The following TAS1R3 variants were observed in gnomAD, a reference collection of about 807,000 sequenced individuals.
TAS1R3 encodes the protein taste receptor type 1 member 3.
Under a neutral mutation model 46.1 loss-of-function variants are expected in TAS1R3, and 58 were observed. That is an observed-to-expected ratio of 1.26 (90% CI 1.02 to 1.57). TAS1R3 has a LOEUF of 1.57. Among genes scored for constraint, TAS1R3 ranks in the 40% most tolerant of loss-of-function variants. The probability of loss-of-function intolerance (pLI) is 0.00; values close to 1 mark genes in which losing one functional copy is unlikely to be tolerated. For missense variants in TAS1R3, 1,422 were observed against 1,185.8 expected (o/e 1.20, Z -2.93); for synonymous variants, 724 against 544.7 (o/e 1.33, Z -4.58).
chr1:1,331,671 C>T lies in TAS1R3; in HGVS notation c.225C>T (p.Ala75=), dbSNP rs761290725. Reference sequence around the variant, plus strand: ...CAAACGGCCTGCTCTGGGCACTGGCCATGAAAATGGCCGTGGAGGAGATCA... The same window carrying T: ...CAAACGGCCTGCTCTGGGCACTGGCTATGAAAATGGCCGTGGAGGAGATCA... ...FSSNGLLWAL[A]MKMAVEEINN... is the part of the protein sequence containing the mutation. Residue 75 remains alanine, a synonymous_variant, in exon 2 of 6, where the codon GCC becomes GCT. Transcript: ENST00000339381. The T allele has an allele frequency of 1.2e-6, 2 of 1,612,732 alleles. No individual in the cohort carries two copies. Among genetic ancestry groups the T allele is most frequent in the Non-Finnish European group, 1.7e-6 (2 of 1,179,878 alleles).
intron 3 of TAS1R3, 25 bp from the exon 4 acceptor site, chr1:1,332,896 G>A: frequency 3.1e-6 from 5 of 1,593,024 alleles, no homozygotes; most frequent in Non-Finnish European, 4.3e-6. Context: ...GTGGCTGGCG[G>A]CTCAGCCCCG....
At position 1,332,221 on chromosome 1, in the gene TAS1R3, C is replaced by T. The variant is rs368917735; in HGVS notation, c.690C>T (p.Ala230=). ...GCCTGAGCATCTTCTCGGCCCTGGC[C>T]GCGGCACGCGGCATCTGCATCGCGC... ...RQGLSIFSAL[A]AARGICIAHE... The change falls in exon 3 of 6, where the codon GCC becomes GCT. Residue 230 remains alanine, a synonymous_variant. Transcript: ENST00000339381. 678 of 1,592,032 alleles carry T rather than the reference C, an allele frequency of 4.3e-4. 2 individuals are homozygous for T. Among genetic ancestry groups the T allele is most frequent in the Non-Finnish European group, 5.3e-4 (622 of 1,175,378 alleles).
chr1:1,334,630 A>T lies in TAS1R3; in HGVS notation c.*166A>T. On this transcript the variant is annotated 3_prime_UTR_variant, in exon 6 of 6. Transcript: ENST00000339381. ...TGAGCCCTAGGCCTGGAGCACGTGG[A>T]CACCCCTGTGACCATCTGGGCCCCA... 2.6e-6 allele frequency: 2 copies of T among 763,906 alleles called. No individual in the cohort carries two copies. Among genetic ancestry groups the T allele is most frequent in the Non-Finnish European group, 4.1e-6 (2 of 489,736 alleles). 47.3% of individuals were successfully genotyped at this position (763,906 alleles called of 1,614,324 possible).
Position 1,332,643 on chromosome 1 carries a change from C to G in TAS1R3, c.1112C>G (p.Pro371Arg), listed in dbSNP as rs540746617. The G allele has an allele frequency of 6.2e-7, 1 of 1,608,228 alleles. No homozygotes were observed. Among genetic ancestry groups the G allele is most frequent in the Non-Finnish European group, 8.5e-7 (1 of 1,179,674 alleles). The change falls in exon 3 of 6, where the codon CCG becomes CGG. Residue 371 changes from proline to arginine, a missense_variant. By Grantham distance (103) the Pro-to-Arg change is moderately radical. Transcript: ENST00000339381. ...GAGGACGTGGTGGGCCAGCGCTGCC[C>G]GCAGTGTGACTGCATCACGCTGCAG... ...LEEDVVGQRCPQCDCITLQNV... is the reference protein window; with the variant it reads ...LEEDVVGQRCRQCDCITLQNV...
chr1:1,333,886 G>T lies in TAS1R3; in HGVS notation c.1981G>T (p.Glu661Ter). Residue 661 changes from glutamate to a stop codon, truncating the protein, a stop_gained, in exon 6 of 6, where the codon GAG becomes TAG. Coordinates refer to ENST00000339381, the MANE Select transcript of TAS1R3 (RefSeq NM_152228.3). LOFTEE classifies it low-confidence loss of function (END_TRUNC). ...CCTGCAGGCGGCCGAGATCTTCGTG[G>T]AGTCAGAACTGCCTCTGAGCTGGGC... ...LFLQAAEIFV[E>*]SELPLSWADR... 1.2e-6 allele frequency: 2 copies of T among 1,600,582 alleles called. No individual in the cohort carries two copies. Among genetic ancestry groups the T allele is most frequent in the Non-Finnish European group, 1.7e-6 (2 of 1,179,842 alleles).
chr1:1,331,808 G>C lies in TAS1R3; in HGVS notation c.362G>C (p.Gly121Ala). The C allele has an allele frequency of 6.2e-7, 1 of 1,612,816 alleles. No homozygotes were observed. Among genetic ancestry groups the C allele is most frequent in the Non-Finnish European group, 8.5e-7 (1 of 1,180,018 alleles). Residue 121 changes from glycine (G) to alanine (A), a missense_variant, in exon 2 of 6, where the codon GGC (glycine) becomes GCC (alanine). By Grantham distance (60) the Gly-to-Ala change is moderately conservative. Coordinates refer to ENST00000339381, the MANE Select transcript of TAS1R3 (RefSeq NM_152228.3). Reference sequence around the variant, plus strand: ...AGCCTCATGTTCCTGGCCAAGGCAGGCAGCCGCGACATCGCCGCCTACTGC... The same window carrying C: ...AGCCTCATGTTCCTGGCCAAGGCAGCCAGCCGCGACATCGCCGCCTACTGC... Reference protein sequence around the residue: ...KPSLMFLAKAGSRDIAAYCNY... With the variant: ...KPSLMFLAKAASRDIAAYCNY...
chr1:1,333,664 T>C lies in TAS1R3; in HGVS notation c.1759T>C (p.Leu587=). The part of the protein sequence containing the change: ...SLALGLVLAA[L]GLFVHHRDSP... The stretch of plus-strand genomic sequence containing the variant: ...GGCGCTGGGCCTTGTGCTGGCTGCT[T>C]TGGGGCTGTTCGTTCACCATCGGGA... Residue 587 remains leucine (L), a synonymous_variant, in exon 6 of 6, where the codon TTG becomes CTG. Coordinates refer to ENST00000339381, the MANE Select transcript of TAS1R3 (RefSeq NM_152228.3). The C allele has an allele frequency of 6.2e-7, 1 of 1,612,114 alleles. No individual in the cohort carries two copies. The highest frequency in any genetic ancestry group is 8.5e-7 in the Non-Finnish European group (1 of 1,179,898).
rs372727451 is a variant in TAS1R3 at position 1,331,483 on chromosome 1, C to T, written c.138C>T (p.Ala46=). ...VLGGLFPLGE[A]EEAGLRSRTR... ...GGGGGCTGTTCCCCCTGGGCGAGGC[C>T]GAGGAGGCTGGCCTCCGCAGCCGGA... Residue 46 remains alanine (A), a synonymous_variant, in exon 1 of 6, where the codon GCC becomes GCT. Coordinates refer to ENST00000339381, the MANE Select transcript of TAS1R3 (RefSeq NM_152228.3). The T allele has an allele frequency of 6.8e-5, 110 of 1,606,900 alleles. 2 individuals are homozygous for T. In the East Asian group the frequency reaches 1.6e-3, roughly 23 times the overall value.
chr1:1,332,531 T>A lies in TAS1R3; in HGVS notation c.1000T>A (p.Phe334Ile), dbSNP rs1448768818. 6.2e-7 allele frequency: 1 copy of A among 1,611,482 alleles called. No homozygotes were observed. Among genetic ancestry groups the A allele is most frequent in the South Asian group, 1.1e-5 (1 of 91,072 alleles). The change falls in exon 3 of 6, where the codon TTC becomes ATC. Residue 334 changes from phenylalanine (F) to isoleucine (I), a missense_variant. Transcript: ENST00000339381. The part of the protein sequence containing the change: ...FLQRGAQLHE[F>I]PQYVKTHLAL... ...CCAGAGGGGTGCCCAGCTGCACGAGTTCCCCCAGTACGTGAAGACGCACCT... is the reference window on the plus strand; with the variant it reads ...CCAGAGGGGTGCCCAGCTGCACGAGATCCCCCAGTACGTGAAGACGCACCT...
chr1:1,332,830 G>A (rs1643462063), intron 3 of TAS1R3, 24 bp downstream of exon 3: 2 of 1,594,614 alleles, frequency 1.3e-6, no homozygotes, highest in Non-Finnish European at 1.7e-6. Context: ...ATGGGGGTGT[G>A]CTGTCCTCTG....
chr1:1,334,256 A>G lies in TAS1R3; in HGVS notation c.2351A>G (p.Asn784Ser). 6.2e-7 allele frequency: 1 copy of G among 1,612,052 alleles called. No homozygotes were observed. Residue 784 changes from asparagine to serine, a missense_variant, in exon 6 of 6, where the codon AAT becomes AGT. Coordinates refer to ENST00000339381, the MANE Select transcript of TAS1R3 (RefSeq NM_152228.3). ...TWVSFVPLLA[N>S]VQVVLRPAVQ... ...GTCTCCTTTGTGCCCCTCCTGGCCAATGTGCAGGTGGTCCTCAGGCCCGCC... is the reference window on the plus strand; with the variant it reads ...GTCTCCTTTGTGCCCCTCCTGGCCAGTGTGCAGGTGGTCCTCAGGCCCGCC...
intron 5 of TAS1R3, 31 bp from the exon 6 acceptor site, chr1:1,333,475 G>C (rs372807333): frequency 6.3e-7 from 1 of 1,599,650 alleles, no homozygotes; most frequent in African/African-American, 1.3e-5. Flanking sequence ...GGTACAAGAC[G>C]AACACCCAGC....
At position 1,332,987 on chromosome 1, in the gene TAS1R3, G is replaced by A. The variant is rs143311630; in HGVS notation, c.1342G>A (p.Gly448Arg). The change falls in exon 4 of 6, where the codon GGA (glycine) becomes AGA (arginine). Residue 448 changes from glycine (G) to arginine (R), a missense_variant. Coordinates refer to ENST00000339381, the MANE Select transcript of TAS1R3 (RefSeq NM_152228.3). ...GGLPLRFDSS[G>R]NVDMEYDLKL... is the part of the protein sequence containing the mutation. Reference sequence around the variant, plus strand: ...GCTGCCGCTGCGGTTCGACAGCAGCGGAAACGTGGACATGGAGTACGACCT... The same window carrying A: ...GCTGCCGCTGCGGTTCGACAGCAGCAGAAACGTGGACATGGAGTACGACCT... The A allele has an allele frequency of 1.0e-4, 168 of 1,612,732 alleles. No homozygotes were observed. Among genetic ancestry groups the A allele is most frequent in the African/African-American group, 9.5e-4 (71 of 75,056 alleles).
In TAS1R3 at chr1:1,332,404, G is replaced by T. The variant is rs1247915541; in HGVS notation, c.873G>T (p.Arg291Ser). The change falls in exon 3 of 6, where the codon AGG (arginine) becomes AGT (serine). Residue 291 changes from arginine to serine, a missense_variant. Physicochemically the swap from Arg to Ser is moderately radical, Grantham distance 110. Transcript: ENST00000339381. ...TCTTCAACTACAGCATCAGCAGCAG[G>T]CTCTCGCCCAAGGTGTGGGTGGCCA... ...HALFNYSISS[R>S]LSPKVWVASE... 1.2e-6 allele frequency: 2 copies of T among 1,604,442 alleles called. No individual in the cohort carries two copies. Among genetic ancestry groups the T allele is most frequent in the Admixed American group, 3.4e-5 (2 of 58,868 alleles).
At position 1,332,447 on chromosome 1, in the gene TAS1R3, T is replaced by C. The variant is rs150848527; in HGVS notation, c.916T>C (p.Ser306Pro). ...GGTGGCCAGCGAGGCCTGGCTGACCTCTGACCTGGTCATGGGGCTGCCCGG... is the reference window on the plus strand; with the variant it reads ...GGTGGCCAGCGAGGCCTGGCTGACCCCTGACCTGGTCATGGGGCTGCCCGG... ...VWVASEAWLT[S>P]DLVMGLPGMA... The change falls in exon 3 of 6, where the codon TCT becomes CCT. Residue 306 changes from serine (S) to proline (P), a missense_variant. Physicochemically the swap from Ser to Pro is moderately conservative, Grantham distance 74. Coordinates refer to ENST00000339381, the MANE Select transcript of TAS1R3 (RefSeq NM_152228.3). The C allele has an allele frequency of 5.6e-5, 90 of 1,608,790 alleles. No homozygotes were observed. The highest frequency in any genetic ancestry group is 7.3e-5 in the Non-Finnish European group (86 of 1,179,348).
Position 1,332,623 on chromosome 1 carries a change from C to G in TAS1R3, c.1092C>G (p.Asp364Glu), listed in dbSNP as rs777550130. 6.2e-7 allele frequency: 1 copy of G among 1,609,646 alleles called. No homozygotes were observed. The highest frequency in any genetic ancestry group is 8.5e-7 in the Non-Finnish European group (1 of 1,179,836). ...AGAGGGAGCAGGGTCTGGAGGAGGA[C>G]GTGGTGGGCCAGCGCTGCCCGCAGT... The part of the protein sequence containing the change: ...LGEREQGLEE[D>E]VVGQRCPQCD... Residue 364 changes from aspartate to glutamate, a missense_variant, in exon 3 of 6, where the codon GAC becomes GAG. Transcript: ENST00000339381.
rs766709464 is a variant in TAS1R3, at chr1:1,331,650, C to T, written c.204C>T (p.Asn68=). The part of the protein sequence containing the change: ...SSPVCTRFSS[N]GLLWALAMKM... ...TGTGTGGCCCCAGGTTCTCCTCAAA[C>T]GGCCTGCTCTGGGCACTGGCCATGA... The change falls in exon 2 of 6, where the codon AAC becomes AAT. Residue 68 remains asparagine (N), a synonymous_variant. Coordinates refer to ENST00000339381, the MANE Select transcript of TAS1R3 (RefSeq NM_152228.3). The T allele has an allele frequency of 6.6e-5, 106 of 1,609,864 alleles. No homozygotes were observed. Among genetic ancestry groups the T allele is most frequent in the Non-Finnish European group, 8.7e-5 (102 of 1,177,726 alleles).
chr1:1,334,346 G>C lies in TAS1R3; in HGVS notation c.2441G>C (p.Cys814Ser). The C allele has an allele frequency of 6.2e-6, 10 of 1,611,752 alleles. No homozygotes were observed. Among genetic ancestry groups the C allele is most frequent in the Non-Finnish European group, 8.5e-6 (10 of 1,179,490 alleles). Residue 814 changes from cysteine to serine, a missense_variant, in exon 6 of 6, where the codon TGT becomes TCT. Coordinates refer to ENST00000339381, the MANE Select transcript of TAS1R3 (RefSeq NM_152228.3). ...GILAAFHLPR[C>S]YLLMRQPGLN... ...CTGGCTGCCTTCCACCTGCCCAGGT[G>C]TTACCTGCTCATGCGGCAGCCAGGG...
chr1:1,332,752 T>A lies in TAS1R3; in HGVS notation c.1221T>A (p.Thr407=), dbSNP rs760939345. Residue 407 remains threonine, a synonymous_variant, in exon 3 of 6, where the codon ACT becomes ACA. Coordinates refer to ENST00000339381, the MANE Select transcript of TAS1R3 (RefSeq NM_152228.3). The part of the protein sequence containing the change: ...VYSVAQALHN[T]LQCNASGCPA... ...GCGTGGCCCAGGCCCTGCACAACAC[T>A]CTTCAGTGCAACGCCTCAGGCTGCC... 1 of 1,605,476 alleles carries A rather than the reference T, an allele frequency of 6.2e-7. No homozygotes were observed. The highest frequency in any genetic ancestry group is 8.5e-7 in the Non-Finnish European group (1 of 1,179,818).
Sources: gnomAD v4.1 joint callset for allele counts on GRCh38, gnomAD v4.1.1 for gene constraint, MANE v1.5 for transcripts, NCBI Gene and HGNC (gene_info 2026-07-23, HGNC 2026-07-21) for gene names.